Variants in KDM4B observed in about 807,000 individuals in gnomAD.
The protein encoded by KDM4B is lysine-specific demethylase 4B.
Under a neutral mutation model 125.2 loss-of-function variants are expected in KDM4B, and 32 were observed. The ratio of observed to expected loss-of-function variants is 0.26; its 90% confidence interval spans 0.19 to 0.34. The LOEUF is 0.34. KDM4B is among the 10% of genes least tolerant of loss of function. KDM4B has a pLI of 1.00. For synonymous variants in KDM4B, 721 were observed against 677.9 expected, an observed-to-expected ratio of 1.06 and a Z score of -0.99; for missense variants, 1,190 against 1,577.7, an observed-to-expected ratio of 0.75 and a Z score of 4.16.
intron 1 of KDM4B, among the ~76,000 whole-genome samples, chr19:4,976,749 C>A (rs1290013254): frequency 6.6e-6 from 1 of 152,190 alleles, no homozygotes; most frequent in African/African-American, 2.4e-5. Flanking sequence ...TGGACAAGTG[C>A]CCGTCGGTGG....
chr19:5,010,734 G>A (rs190744446), intron 1 of KDM4B, among the ~76,000 whole-genome samples: 98 of 152,224 alleles, frequency 6.4e-4, no homozygotes, highest in African/African-American at 2.3e-3. Context: ...TGCAACCTCC[G>A]CCTCCCAGGT....
At chr19:5,039,144 C>T (rs1023863383) in intron 3 of KDM4B, among the ~76,000 whole-genome samples, 28 of 152,206 alleles carry the variant, frequency 1.8e-4, no homozygotes, top group Non-Finnish European at 3.8e-4. Flanking sequence ...TGAAGATTCC[C>T]GTTTTGAAAA....
chr19:5,101,576 A>G (rs1004472479), intron 9 of KDM4B, among the ~76,000 whole-genome samples: 1 of 151,022 alleles, frequency 6.6e-6, no homozygotes, highest in Admixed American at 6.6e-5. Flanking sequence ...CAAGTGGGCA[A>G]TGGATGCTGG....
In KDM4B at chr19:5,041,397, G is replaced by A. The variant is rs78599434; in HGVS notation, c.432+146G>A. The A allele has an allele frequency of 2.9e-3, 1,662 of 582,168 alleles. 36 individuals carry two copies. Among genetic ancestry groups the A allele is most frequent in the African/African-American group, 0.027 (1,426 of 52,786 alleles). The allele number at this position is 582,168 out of a possible 1,614,324, so 36.1% of individuals were successfully genotyped here. A position where few individuals can be genotyped will look rare whatever the true frequency, so the allele number is the denominator to read the frequency against. On this transcript the variant is annotated intron_variant, in intron 5 of 22. Coordinates refer to ENST00000159111, the MANE Select transcript of KDM4B (RefSeq NM_015015.3). ...CGCCCAGGCTCTGGATGCGGGCCTC[G>A]CCCTGTGGTGACGAAAGAGGAAGCC...
In KDM4B at chr19:5,141,030, TG is replaced by T. The variant is rs1398228307; in HGVS notation, c.2551-2934del. 6.6e-6 allele frequency: 1 copy of T among 152,180 alleles called. No homozygotes were observed. The highest frequency in any genetic ancestry group is 2.4e-5 in the African/African-American group (1 of 41,432). 9.4% of individuals were successfully genotyped at this position (152,180 alleles called of 1,614,324 possible). Reference sequence around the variant, plus strand: ...AAGCAGACAGATCAGTCTGGCAGGGTGGGTCTGCTGGGGAGACCACAAGGGT... The same window carrying T: ...AAGCAGACAGATCAGTCTGGCAGGGTGGTCTGCTGGGGAGACCACAAGGGT... On this transcript the variant is annotated intron_variant, in intron 18 of 22. Coordinates refer to ENST00000159111, the MANE Select transcript of KDM4B (RefSeq NM_015015.3). The surrounding 1 kb of genome is among the most constrained non-coding windows in gnomAD (Gnocchi z 6.4).
intron 13 of KDM4B, 85 bp downstream of exon 13, chr19:5,132,092 G>A: frequency 1.4e-6 from 2 of 1,446,520 alleles, no homozygotes; most frequent in Non-Finnish European, 1.8e-6. Context: ...CTCCCCTGCG[G>A]CTTCCTTCCC....
chr19:5,053,899 G>C (rs543968526), intron 6 of KDM4B, among the ~76,000 whole-genome samples: 2 of 152,238 alleles, frequency 1.3e-5, no homozygotes, highest in Admixed American at 1.3e-4. Flanking sequence ...GGGTTGCTGC[G>C]TGGCCAGGCA....
chr19:5,080,597 G>A (rs1288251687), intron 8 of KDM4B: 1 of 152,256 alleles, frequency 6.6e-6, no homozygotes, highest in Non-Finnish European at 1.5e-5. Context: ...TCCCAGCCGG[G>A]GTGGATGCAG....
intron 18 of KDM4B, among the ~76,000 whole-genome samples, chr19:5,143,690 C>T (rs553536862): frequency 1.3e-5 from 2 of 152,106 alleles, no homozygotes; most frequent in Non-Finnish European, 2.9e-5. Flanking sequence ...GAGGACTCCC[C>T]GGGGGCTGAT....
rs1182135277 is a variant in KDM4B at position 5,146,939 on chromosome 19, C to CAAAAAAAAAA, written c.3021+2051_3021+2060dup. On this transcript the variant is annotated intron_variant, in intron 21 of 22. Transcript: ENST00000159111. Reference sequence around the variant, plus strand: ...TTGGGTGACACTGAGACCCTGTCTCCAAAAAAAAAAAAAAAAAAAAAAACA... The same window carrying CAAAAAAAAAA: ...TTGGGTGACACTGAGACCCTGTCTCCAAAAAAAAAAAAAAAAAAAAAAAAAAAAAAAAACA... 2.3e-3 allele frequency among the ~76,000 whole-genome samples: 137 copies of CAAAAAAAAAA among 60,484 alleles called. 2 individuals carry two copies. Among genetic ancestry groups the CAAAAAAAAAA allele is most frequent in the Admixed American group, 2.7e-3 (11 of 4,034 alleles). The allele number at this position is 60,484 out of a possible 152,430, so 39.7% of individuals were successfully genotyped here.
intron 9 of KDM4B, among the ~76,000 whole-genome samples, chr19:5,089,651 C>G (rs1170964625): frequency 6.6e-6 from 1 of 151,370 alleles, no homozygotes. Context: ...TTTGGGATAC[C>G]TTAAAAATAT....
At position 5,014,265 on chromosome 19, in the gene KDM4B, C is replaced by T. The variant is rs572759212; in HGVS notation, c.-108-1992C>T. On this transcript the variant is annotated intron_variant, in intron 1 of 22. Transcript: ENST00000159111. ...GACCACAGGCACATGCTACCACACC[C>T]GGCTAAGTGTTTTGTTTTGTTTTGT... 2.4e-4 allele frequency among the ~76,000 whole-genome samples: 37 copies of T among 152,234 alleles called. No individual in the cohort carries two copies. In the East Asian group the frequency reaches 6.4e-3, roughly 26 times the overall value.
intron 1 of KDM4B, among the ~76,000 whole-genome samples, chr19:5,010,038 A>G (rs908712831): frequency 2.0e-5 from 3 of 152,128 alleles, no homozygotes; most frequent in East Asian, 1.9e-4. Context: ...GGCCTCAACT[A>G]TAGATTCTAT....
At chr19:5,070,950 GA>G in intron 6 of KDM4B, 59 bp from the exon 7 acceptor site, 3 of 1,583,676 alleles carry the variant, frequency 1.9e-6, no homozygotes, top group Non-Finnish European at 2.6e-6. Context: ...TCCCACCAGG[GA>G]CACCCCCTTG....
Position 5,035,878 on chromosome 19 carries a change from TGTGCGCGCGCGCGCGCGCCTGCGC to T in KDM4B, c.141+2849_141+2872del, listed in dbSNP as rs2036602683. Among the ~76,000 whole-genome samples, 1 of 96,914 alleles carries T rather than the reference TGTGCGCGCGCGCGCGCGCCTGCGC, an allele frequency of 1.0e-5. No homozygotes were observed. The highest frequency in any genetic ancestry group is 3.2e-5 in the African/African-American group (1 of 31,718). The allele number at this position is 96,914 out of a possible 152,430, so 63.6% of individuals were successfully genotyped here. ...GCACGTGTCTCTGTGTGTGTGTGTG[TGTGCGCGCGCGCGCGCGCCTGCGC>T]GCACAGGAGACTGAGGTGGGGAGGC... On this transcript the variant is annotated intron_variant, in intron 3 of 22. Coordinates refer to ENST00000159111, the MANE Select transcript of KDM4B (RefSeq NM_015015.3). This position sits in a 1 kb window ranked among gnomAD's most constrained non-coding sequence, Gnocchi z 5.3.
intron 2 of KDM4B, among the ~76,000 whole-genome samples, chr19:5,018,026 A>G (rs2145530318): frequency 6.8e-6 from 1 of 146,408 alleles, no homozygotes; most frequent in South Asian, 2.2e-4. Context: ...GGCGTGAGCC[A>G]CTGTGCCCAG....
chr19:5,023,758 ATTTTTTT>A (rs148293792), intron 2 of KDM4B, among the ~76,000 whole-genome samples: 4 of 89,122 alleles, frequency 4.5e-5, no homozygotes, highest in Admixed American at 1.5e-4. Flanking sequence ...GTCTTTTTGA[ATTTTTTT>A]TTTTTTTTTT....
intron 2 of KDM4B, among the ~76,000 whole-genome samples, chr19:5,020,727 T>C (rs1423344675): frequency 6.6e-6 from 1 of 152,218 alleles, no homozygotes; most frequent in Non-Finnish European, 1.5e-5. Flanking sequence ...TTCTTCCTCC[T>C]AAATAGAATG....
At chr19:5,117,696 C>G (rs868072799) in intron 10 of KDM4B, among the ~76,000 whole-genome samples, 62 of 152,238 alleles carry the variant, frequency 4.1e-4, no homozygotes, top group African/African-American at 1.4e-3. Flanking sequence ...AGGGCAGGGG[C>G]CACTCCCGTG....
Sources: gnomAD v4.1 joint callset for allele counts (sites outside exome capture counted in the v4.1 genomes callset) on GRCh38, gnomAD v4.1.1 for gene constraint, Gnocchi (gnomAD v3.1) non-coding constraint, MANE v1.5 for transcripts, NCBI Gene and HGNC (gene_info 2026-07-23, HGNC 2026-07-21) for gene names.